Variants in AKT3 observed in about 807,000 individuals in gnomAD.
AKT3 encodes AKT serine/threonine kinase 3, also known as RAC-gamma serine/threonine-protein kinase.
In AKT3, 15 loss-of-function variants were observed where a neutral mutation model predicts 65.3. The observed-to-expected ratio is 0.23, with a 90% confidence interval of 0.15 to 0.35. AKT3 has a LOEUF of 0.35. Among genes scored for constraint, AKT3 ranks in the 10% least tolerant of loss-of-function variants. AKT3 has a pLI of 1.00. For synonymous variants in AKT3, 206 were observed against 183.8 expected, an observed-to-expected ratio of 1.12 and a Z score of -0.98; for missense variants, 243 against 576.5, an observed-to-expected ratio of 0.42 and a Z score of 5.92.
intron 2 of AKT3, among the ~76,000 whole-genome samples, chr1:243,833,975 AT>A (rs922950400): frequency 1.3e-5 from 2 of 151,816 alleles, no homozygotes; most frequent in African/African-American, 4.8e-5. Flanking sequence ...GATAGTTTGG[AT>A]TCTAATTTGA....
At position 243,658,734 on chromosome 1, in the gene AKT3, G is replaced by C. The variant is rs574012042; in HGVS notation, c.284+6038C>G. Among the ~76,000 whole-genome samples, 6 of 152,152 alleles carry C rather than the reference G, an allele frequency of 3.9e-5. No individual in the cohort carries two copies. In the East Asian group the frequency reaches 1.2e-3, roughly 29 times the overall value. On this transcript the variant is annotated intron_variant, in intron 4 of 13. Transcript: ENST00000673466. ...GAAACAATCTAAATATCCATCAGCA[G>C]ATGAATGAATAAAGAAAATGTATTG... is the stretch of plus-strand genomic sequence containing the variant.
At chr1:243,684,136 C>CT (rs922157692) in intron 3 of AKT3, among the ~76,000 whole-genome samples, 5 of 151,442 alleles carry the variant, frequency 3.3e-5, no homozygotes, top group African/African-American at 4.9e-5. Flanking sequence ...TAATTGAATA[C>CT]TTTTTTTTGT....
chr1:243,520,449 T>A (rs1323748820), intron 12 of AKT3, among the ~76,000 whole-genome samples: 1 of 152,194 alleles, frequency 6.6e-6, no homozygotes, highest in South Asian at 2.1e-4. Context: ...ATACATTAAT[T>A]TCCTATTTCA....
chr1:243,753,600 T>C (rs1688944848), intron 2 of AKT3, among the ~76,000 whole-genome samples: 2 of 152,240 alleles, frequency 1.3e-5, no homozygotes, highest in African/African-American at 2.4e-5. Flanking sequence ...CTGATAGTTG[T>C]ATAATACTGT....
chr1:243,847,970 C>A (rs1448882278), intron 1 of AKT3, among the ~76,000 whole-genome samples: 2 of 151,988 alleles, frequency 1.3e-5, no homozygotes, highest in Admixed American at 1.3e-4. Context: ...GGAAAGAAAA[C>A]CAAATGAATA....
intron 2 of AKT3, among the ~76,000 whole-genome samples, chr1:243,829,632 G>A (rs973822144): frequency 1.2e-4 from 18 of 152,000 alleles, no homozygotes; most frequent in African/African-American, 4.3e-4. Context: ...TTTAAGCAAC[G>A]TTAAACCTCA....
intron 2 of AKT3, among the ~76,000 whole-genome samples, chr1:243,749,086 T>A (rs980317324): frequency 1.3e-5 from 2 of 152,126 alleles, no homozygotes; most frequent in African/African-American, 4.8e-5. Context: ...TCTCCCTATT[T>A]TCTCAGTTGA....
intron 8 of AKT3, among the ~76,000 whole-genome samples, chr1:243,591,170 C>T (rs1008541877): frequency 3.3e-5 from 5 of 152,126 alleles, no homozygotes; most frequent in Non-Finnish European, 7.4e-5. Context: ...CATTGAGCAG[C>T]ACCTGTATGT....
intron 1 of AKT3, among the ~76,000 whole-genome samples, chr1:243,846,738 T>C (rs1169422943): frequency 6.6e-6 from 1 of 152,186 alleles, no homozygotes; most frequent in Non-Finnish European, 1.5e-5. Context: ...TACCAAATTT[T>C]GCAAATTTAG....
At chr1:243,677,399 T>G (rs1323921304) in intron 3 of AKT3, among the ~76,000 whole-genome samples, 1 of 152,182 alleles carries the variant, frequency 6.6e-6, no homozygotes, top group Non-Finnish European at 1.5e-5. Flanking sequence ...TCTTTTCTAT[T>G]CATCAAAATC....
rs33995513 is a variant in AKT3, at chr1:243,552,288, CAAAAAAAA to C, written c.1163+433_1163+440del. Among the ~76,000 whole-genome samples the C allele has an allele frequency of 8.5e-3, 426 of 50,160 alleles. 3 individuals are homozygous for C. Among genetic ancestry groups the C allele is most frequent in the African/African-American group, 0.026 (255 of 9,966 alleles). The allele number at this position is 50,160 out of a possible 152,430, so 32.9% of individuals were successfully genotyped here. ...TGGGTGGCAGAGTGAGACTCTGTCTCAAAAAAAAAAAAAAAAAAAAAAAAAAATGCAAT... is the reference window on the plus strand; with the variant it reads ...TGGGTGGCAGAGTGAGACTCTGTCTCAAAAAAAAAAAAAAAAAAATGCAAT... On this transcript the variant is annotated intron_variant, in intron 11 of 13. Coordinates refer to ENST00000673466, the MANE Select transcript of AKT3 (RefSeq NM_005465.7).
chr1:243,774,251 A>T (rs1411045323), intron 2 of AKT3, among the ~76,000 whole-genome samples: 1 of 152,250 alleles, frequency 6.6e-6, no homozygotes, highest in East Asian at 1.9e-4. Flanking sequence ...AGTTCTACAT[A>T]CTACAAACTT....
intron 8 of AKT3, among the ~76,000 whole-genome samples, chr1:243,573,879 A>T (rs1441059419): frequency 6.6e-6 from 1 of 152,192 alleles, no homozygotes; most frequent in Non-Finnish European, 1.5e-5. Context: ...CATTAAAGAA[A>T]CTACAAATAT....
chr1:243,791,567 C>T (rs760797956), intron 2 of AKT3, among the ~76,000 whole-genome samples: 1 of 152,166 alleles, frequency 6.6e-6, no homozygotes, highest in Admixed American at 6.5e-5. Context: ...ACTAATAATT[C>T]AACATGTATA....
At chr1:243,781,882 G>A (rs1003420758) in intron 2 of AKT3, among the ~76,000 whole-genome samples, 5 of 152,124 alleles carry the variant, frequency 3.3e-5, no homozygotes, top group Non-Finnish European at 7.4e-5. Flanking sequence ...CTGCACAGTG[G>A]CACAATCACA....
At chr1:243,488,907 C>A in intron 13 of AKT3, 1 of 1,545,896 alleles carries the variant, frequency 6.5e-7, no homozygotes, top group South Asian at 1.1e-5. Context: ...CCTAGGCGTC[C>A]TGCTCATGGT....
intron 11 of AKT3, among the ~76,000 whole-genome samples, chr1:243,545,933 T>G (rs919689865): frequency 1.3e-5 from 2 of 152,190 alleles, no homozygotes; most frequent in Non-Finnish European, 1.5e-5. Context: ...TAACGTTTGC[T>G]GGTGGGTCAC....
chr1:243,793,313 T>A (rs1691747655), intron 2 of AKT3: 1 of 152,112 alleles, frequency 6.6e-6, no homozygotes, highest in Admixed American at 6.5e-5. Flanking sequence ...AGTCTTAAAC[T>A]CCTGGCACAA....
chr1:243,695,299 A>G (rs1039488823), intron 3 of AKT3, among the ~76,000 whole-genome samples: 2 of 151,966 alleles, frequency 1.3e-5, no homozygotes, highest in African/African-American at 2.4e-5. Context: ...ACCAAGTTCA[A>G]AGGTCCTTGT....
Sources: gnomAD v4.1 joint callset for allele counts (sites outside exome capture counted in the v4.1 genomes callset) on GRCh38, gnomAD v4.1.1 for gene constraint, MANE v1.5 for transcripts, NCBI Gene and HGNC (gene_info 2026-07-23, HGNC 2026-07-21) for gene names.